Variants in SMPDL3B observed in about 807,000 individuals in gnomAD.
The protein encoded by SMPDL3B is sphingomyelin phosphodiesterase acid like 3B, also known as acid sphingomyelinase-like phosphodiesterase 3b.
In SMPDL3B, 31 loss-of-function variants were observed where a neutral mutation model predicts 37.9. The observed-to-expected ratio is 0.82, with a 90% confidence interval of 0.61 to 1.10. The LOEUF is 1.10. SMPDL3B is among the 50% of genes least tolerant of loss of function. The probability of loss-of-function intolerance (pLI) is 0.00; values close to 1 mark genes in which losing one functional copy is unlikely to be tolerated. For missense variants in SMPDL3B, 525 were observed against 597.8 expected, an observed-to-expected ratio of 0.88 and a Z score of 1.27; for synonymous variants, 235 against 242.6, an observed-to-expected ratio of 0.97 and a Z score of 0.29.
rs1362884381 is a variant in SMPDL3B at position 27,958,785 on chromosome 1, C to T, written c.1315C>T (p.Gln439Ter). The T allele has an allele frequency of 1.9e-6, 3 of 1,608,522 alleles. No individual in the cohort carries two copies. The highest frequency in any genetic ancestry group is 2.7e-5 in the African/African-American group (2 of 74,868). The change falls in exon 8 of 8, where the codon CAG (glutamine) becomes TAG (stop). Residue 439 changes from glutamine (Q) to a stop codon, truncating the protein, a stop_gained. Coordinates refer to ENST00000373894, the MANE Select transcript of SMPDL3B (RefSeq NM_014474.4). LOFTEE classifies it low-confidence loss of function (END_TRUNC). The surrounding 1 kb of genome is among the most constrained non-coding windows in gnomAD (Gnocchi z 5.6). ...LYASGTTPVPQLPLLLMALLG... is the reference protein window; with the variant it reads ...LYASGTTPVP Reference sequence around the variant, plus strand: ...TGCCTCTGGCACCACGCCCGTGCCCCAGCTCCCGCTGCTGCTGATGGCCCT... The same window carrying T: ...TGCCTCTGGCACCACGCCCGTGCCCTAGCTCCCGCTGCTGCTGATGGCCCT...
At chr1:27,956,306 G>A in intron 7 of SMPDL3B, 1 of 1,493,516 alleles carries the variant, frequency 6.7e-7, no homozygotes, top group Non-Finnish European at 8.9e-7. Flanking sequence ...GACTGTCACA[G>A]CTTCATACCT....
At chr1:27,951,604 T>C (rs1200732997) in intron 3 of SMPDL3B, among the ~76,000 whole-genome samples, 2 of 152,204 alleles carry the variant, frequency 1.3e-5, no homozygotes, top group African/African-American at 4.8e-5. Flanking sequence ...CCCAGCACTT[T>C]GAGAAGCTAA....
Sources: allele counts gnomAD v4.1 joint callset (sites outside exome capture counted in the v4.1 genomes callset), GRCh38; gene constraint gnomAD v4.1.1; non-coding constraint Gnocchi (gnomAD v3.1); transcripts MANE v1.5; gene names NCBI Gene and HGNC (gene_info 2026-07-23, HGNC 2026-07-21).